Variants in GRIK2 observed in about 807,000 individuals in gnomAD.
GRIK2 encodes glutamate ionotropic receptor kainate type subunit 2.
In GRIK2, 32 loss-of-function variants were observed where a neutral mutation model predicts 100.3. That is an observed-to-expected ratio of 0.32 (90% CI 0.24 to 0.43). The LOEUF (loss-of-function observed/expected upper bound fraction) is 0.43, where lower values mean the gene tolerates loss of function less well. Ranked by LOEUF, GRIK2 falls within the 20% of genes least tolerant of loss-of-function variation. The pLI is 1.00. For missense variants in GRIK2, 843 were observed against 1,114.9 expected (o/e 0.76, Z 3.47); for synonymous variants, 417 against 389.4 (o/e 1.07, Z -0.83).
chr6:102,059,175 G>C (rs1042438518), intron 16 of GRIK2, among the ~76,000 whole-genome samples: 4 of 150,962 alleles, frequency 2.6e-5, no homozygotes, highest in Admixed American at 1.3e-4. Flanking sequence ...TGAAATATGT[G>C]GACCTTCAAG....
At position 101,807,050 on chromosome 6, in the gene GRIK2, A is replaced by G. The variant is rs1473670765; in HGVS notation, c.1203+4612A>G. ...GAAATATTTGTTGACTGTTGAATGA[A>G]TAAAGAATCTTTATGGAAATTATGA... On this transcript the variant is annotated intron_variant, in intron 9 of 16. Transcript: ENST00000369134. Among the ~76,000 whole-genome samples, 7 of 151,960 alleles carry G rather than the reference A, an allele frequency of 4.6e-5. No individual in the cohort carries two copies. In the East Asian group the frequency reaches 1.2e-3, roughly 25 times the overall value.
At chr6:101,761,283 A>G (rs1777645495) in intron 7 of GRIK2, among the ~76,000 whole-genome samples, 1 of 152,174 alleles carries the variant, frequency 6.6e-6, no homozygotes, top group Admixed American at 6.5e-5. Flanking sequence ...CTGAGCAATA[A>G]TAAAGGAAAA....
At chr6:101,686,982 A>T (rs1771746461) in intron 7 of GRIK2, among the ~76,000 whole-genome samples, 4 of 152,134 alleles carry the variant, frequency 2.6e-5, no homozygotes, top group Admixed American at 1.3e-4. Flanking sequence ...ATGGCAAGGC[A>T]TACATAATTT....
intron 12 of GRIK2, among the ~76,000 whole-genome samples, chr6:101,917,364 G>C (rs1011955864): frequency 7.3e-5 from 11 of 151,700 alleles, no homozygotes; most frequent in African/African-American, 2.7e-4. Context: ...AAACTGGCCT[G>C]ATCACCTATG....
chr6:101,694,891 T>TA (rs565205760), intron 7 of GRIK2, among the ~76,000 whole-genome samples: 4 of 151,264 alleles, frequency 2.6e-5, no homozygotes, highest in South Asian at 4.2e-4. Context: ...CAATGCCATA[T>TA]AAAAAAATAC....
chr6:101,528,381 TA>T (rs140924828), intron 2 of GRIK2, among the ~76,000 whole-genome samples: 3,011 of 152,244 alleles, frequency 0.02, 102 homozygotes, highest in African/African-American at 0.067. Flanking sequence ...GTCTGTAAAA[TA>T]GTTACATTAT....
intron 14 of GRIK2, among the ~76,000 whole-genome samples, chr6:101,963,509 C>CTTTTTTTTTTTTT (rs770178884): frequency 1.2e-3 from 125 of 106,092 alleles, no homozygotes; most frequent in African/African-American, 2.4e-3. Flanking sequence ...TTCTTTCTTT[C>CTTTTTTTTTTTTT]TTTTTTTTTT....
At chr6:101,707,371 A>G (rs1217860513) in intron 7 of GRIK2, among the ~76,000 whole-genome samples, 1 of 150,486 alleles carries the variant, frequency 6.6e-6, no homozygotes, top group Non-Finnish European at 1.5e-5. Context: ...TAGGTTTAAT[A>G]ACTGAGTTAA....
intron 14 of GRIK2, among the ~76,000 whole-genome samples, chr6:101,975,270 T>C (rs548083356): frequency 6.6e-6 from 1 of 152,050 alleles, no homozygotes; most frequent in East Asian, 2.0e-4. Flanking sequence ...TGTTGTTAAC[T>C]CAAGTAATCT....
At chr6:101,870,146 C>A (rs1562452415) in intron 11 of GRIK2, among the ~76,000 whole-genome samples, 1 of 151,844 alleles carries the variant, frequency 6.6e-6, no homozygotes, top group Non-Finnish European at 1.5e-5. Flanking sequence ...ACTAAACTAT[C>A]TTTGTTCACT....
At chr6:101,823,875 T>TG (rs397962180) in intron 10 of GRIK2, among the ~76,000 whole-genome samples, 2 of 150,534 alleles carry the variant, frequency 1.3e-5, no homozygotes, top group Non-Finnish European at 1.5e-5. Flanking sequence ...TTTTTTTTTT[T>TG]GTTTTTTTTT....
Position 101,489,553 on chromosome 6 carries a change from G to A in GRIK2, c.115+90161G>A, listed in dbSNP as rs540202601. Reference sequence around the variant, plus strand: ...TCATTTTGCCAACTATGATAACATAGTGTTAGAATTTTCTTGGTGAACTTA... The same window carrying A: ...TCATTTTGCCAACTATGATAACATAATGTTAGAATTTTCTTGGTGAACTTA... On this transcript the variant is annotated intron_variant, in intron 2 of 16. Transcript: ENST00000369134. Among the ~76,000 whole-genome samples, 11 of 146,282 alleles carry A rather than the reference G, an allele frequency of 7.5e-5. 1 individual carries two copies. The highest frequency in any genetic ancestry group is 2.9e-4 in the African/African-American group (11 of 38,314).
At chr6:101,482,521 A>G (rs1264464187) in intron 2 of GRIK2, among the ~76,000 whole-genome samples, 1 of 152,134 alleles carries the variant, frequency 6.6e-6, no homozygotes, top group Non-Finnish European at 1.5e-5. Context: ...TGCAGCGAAA[A>G]CACTGTGAGC....
chr6:101,488,226 T>C (rs565054294), intron 2 of GRIK2, among the ~76,000 whole-genome samples: 17 of 146,702 alleles, frequency 1.2e-4, no homozygotes, highest in South Asian at 2.1e-4. Context: ...TTAAAGAATA[T>C]AAAGAATGCT....
chr6:101,834,860 C>T (rs1254553911), intron 10 of GRIK2, among the ~76,000 whole-genome samples: 3 of 151,876 alleles, frequency 2.0e-5, no homozygotes, highest in Non-Finnish European at 4.4e-5. Context: ...AAAAAAATAG[C>T]CAGGAATTTT....
At chr6:101,615,481 C>T (rs1303742685) in intron 2 of GRIK2, among the ~76,000 whole-genome samples, 1 of 151,680 alleles carries the variant, frequency 6.6e-6, no homozygotes, top group Non-Finnish European at 1.5e-5. Context: ...CTAGAAAGAG[C>T]ACAAAATTAT....
At chr6:101,877,610 A>T (rs1005581337) in intron 11 of GRIK2, among the ~76,000 whole-genome samples, 44 of 152,012 alleles carry the variant, frequency 2.9e-4, no homozygotes, top group African/African-American at 1.1e-3. Flanking sequence ...GTACGTTAAA[A>T]ATAGTTTTAA....
rs186759818 is a variant in GRIK2 at position 101,871,887 on chromosome 6, G to A, written c.1524+12394G>A. Among the ~76,000 whole-genome samples, 333 of 152,024 alleles carry A rather than the reference G, an allele frequency of 2.2e-3. 1 individual carries two copies. Among genetic ancestry groups the A allele is most frequent in the Admixed American group, 3.5e-3 (53 of 15,244 alleles). On this transcript the variant is annotated intron_variant, in intron 11 of 16. Coordinates refer to ENST00000369134, the MANE Select transcript of GRIK2 (RefSeq NM_021956.5). ...TAGAACAATTTATTTTCCTTTGGGTGTAAATCCAAAGGATTTGGTGAGTCA... is the reference window on the plus strand; with the variant it reads ...TAGAACAATTTATTTTCCTTTGGGTATAAATCCAAAGGATTTGGTGAGTCA...
intron 2 of GRIK2, among the ~76,000 whole-genome samples, chr6:101,513,400 A>C (rs1298181104): frequency 1.3e-5 from 2 of 152,296 alleles, no homozygotes; most frequent in Middle Eastern, 6.8e-3. Context: ...ATAGGATGAC[A>C]GATGTTTCCT....
Sources: allele counts gnomAD v4.1 joint callset (sites outside exome capture counted in the v4.1 genomes callset), GRCh38; gene constraint gnomAD v4.1.1; transcripts MANE v1.5; gene names NCBI Gene and HGNC (gene_info 2026-07-23, HGNC 2026-07-21).